The following GNAI1 variants were observed in gnomAD, a reference collection of about 807,000 sequenced individuals.
The protein encoded by GNAI1 is G protein subunit alpha i1.
Under a neutral mutation model 38.9 loss-of-function variants are expected in GNAI1, and 11 were observed. The ratio of observed to expected loss-of-function variants is 0.28; its 90% confidence interval spans 0.18 to 0.47. The LOEUF (loss-of-function observed/expected upper bound fraction) is 0.47, where lower values mean the gene tolerates loss of function less well. Ranked by LOEUF, GNAI1 falls within the 20% of genes least tolerant of loss-of-function variation. The probability of loss-of-function intolerance (pLI) is 0.99; values close to 1 mark genes in which losing one functional copy is unlikely to be tolerated. For synonymous variants in GNAI1, 166 were observed against 145.1 expected (o/e 1.14, Z -1.04); for missense variants, 317 against 436.9 (o/e 0.73, Z 2.45).
At chr7:80,182,473 G>A (rs956570544) in intron 1 of GNAI1, among the ~76,000 whole-genome samples, 6 of 152,024 alleles carry the variant, frequency 3.9e-5, no homozygotes, top group African/African-American at 9.7e-5. Context: ...GGATTTGAAC[G>A]TTTACAGTCA....
intron 1 of GNAI1, among the ~76,000 whole-genome samples, chr7:80,161,336 G>A (rs1006231203): frequency 1.3e-5 from 2 of 152,170 alleles, no homozygotes; most frequent in Non-Finnish European, 2.9e-5. Flanking sequence ...TTTACTTGGA[G>A]ATTAATTTGT....
rs1224259888 is a variant in GNAI1, at chr7:80,224,466, A to G, written c.*6973A>G. ...CAAAATCCAGTGTCATTTCTTAGCC[A>G]TATCTTCAAAATCCAGTGTCATTTC... On this transcript the variant is annotated 3_prime_UTR_variant, in exon 8 of 8. Transcript: ENST00000649796. Among the ~76,000 whole-genome samples, 2 of 152,180 alleles carry G rather than the reference A, an allele frequency of 1.3e-5. No individual in the cohort carries two copies. Among genetic ancestry groups the G allele is most frequent in the African/African-American group, 2.4e-5 (1 of 41,444 alleles).
At chr7:80,174,714 G>A (rs373707357) in intron 1 of GNAI1, among the ~76,000 whole-genome samples, 14 of 152,090 alleles carry the variant, frequency 9.2e-5, no homozygotes, top group African/African-American at 3.4e-4. Context: ...CAGCGTAAAA[G>A]CCAGGCTCTT....
intron 1 of GNAI1, among the ~76,000 whole-genome samples, chr7:80,148,006 A>G (rs149029295): frequency 3.3e-5 from 5 of 151,974 alleles, no homozygotes; most frequent in Non-Finnish European, 7.4e-5. Context: ...AGGTAAAACC[A>G]TGTGTTTTTT....
chr7:80,139,218 A>T (rs1026160182), intron 1 of GNAI1, among the ~76,000 whole-genome samples: 9 of 151,998 alleles, frequency 5.9e-5, no homozygotes, highest in African/African-American at 2.2e-4. Flanking sequence ...TTTCATTTTC[A>T]TATTCATAGT....
rs968965917 is a variant in GNAI1, at chr7:80,222,650, G to A, written c.*5157G>A. On this transcript the variant is annotated 3_prime_UTR_variant, in exon 8 of 8. Transcript: ENST00000649796. ...AATCCGCCCACCTCGGCCGCCCAAA[G>A]TGCTGGGATTACAGGTGTGAGCCAC... 1.3e-5 allele frequency among the ~76,000 whole-genome samples: 2 copies of A among 152,008 alleles called. No homozygotes were observed. The highest frequency in any genetic ancestry group is 2.4e-5 in the African/African-American group (1 of 41,390).
chr7:80,196,688 G>T (rs1788580652), intron 3 of GNAI1, among the ~76,000 whole-genome samples: 1 of 151,930 alleles, frequency 6.6e-6, no homozygotes, highest in Non-Finnish European at 1.5e-5. Context: ...AATAATTTCA[G>T]CAGTGTTTTC....
chr7:80,168,138 C>G (rs1788043240), intron 1 of GNAI1, among the ~76,000 whole-genome samples: 1 of 152,078 alleles, frequency 6.6e-6, no homozygotes, highest in African/African-American at 2.4e-5. Context: ...CTTCAACTTG[C>G]AACTTGAAGC....
At chr7:80,142,483 A>G (rs754851342) in intron 1 of GNAI1, among the ~76,000 whole-genome samples, 5 of 152,154 alleles carry the variant, frequency 3.3e-5, no homozygotes, top group Non-Finnish European at 7.4e-5. Context: ...TACTAATACC[A>G]TATTGAAATC....
At chr7:80,200,347 A>AAAAAT (rs1788661939) in intron 4 of GNAI1, among the ~76,000 whole-genome samples, 1 of 148,646 alleles carries the variant, frequency 6.7e-6, no homozygotes, top group Admixed American at 6.7e-5. Flanking sequence ...AAAAAAAAAA[A>AAAAAT]CCTAATCAGG....
intron 1 of GNAI1, among the ~76,000 whole-genome samples, chr7:80,159,737 A>G: frequency 6.6e-6 from 1 of 150,806 alleles, no homozygotes; most frequent in East Asian, 1.9e-4. Flanking sequence ...ACTTTTTTGT[A>G]TTGTATTAAG....
intron 1 of GNAI1, among the ~76,000 whole-genome samples, chr7:80,153,326 ATG>A (rs1425819963): frequency 1.3e-5 from 2 of 152,188 alleles, no homozygotes; most frequent in African/African-American, 4.8e-5. Context: ...TGATTATACA[ATG>A]TGCATCTTAA....
intron 1 of GNAI1, among the ~76,000 whole-genome samples, chr7:80,148,145 G>A (rs1787660374): frequency 6.6e-6 from 1 of 152,224 alleles, no homozygotes; most frequent in South Asian, 2.1e-4. Context: ...CAGTTTATAG[G>A]TCAGGTTGAG....
intron 1 of GNAI1, among the ~76,000 whole-genome samples, chr7:80,148,889 A>T (rs1339286374): frequency 6.6e-6 from 1 of 152,134 alleles, no homozygotes; most frequent in Non-Finnish European, 1.5e-5. Context: ...TATATTTCCC[A>T]CATATTTTGA....
chr7:80,149,510 T>C (rs1787687793), intron 1 of GNAI1, among the ~76,000 whole-genome samples: 1 of 152,140 alleles, frequency 6.6e-6, no homozygotes, highest in Non-Finnish European at 1.5e-5. Flanking sequence ...AGTGTTCTTG[T>C]AATTATCTGC....
At chr7:80,212,181 A>G (rs1460233296) in intron 6 of GNAI1, among the ~76,000 whole-genome samples, 1 of 152,146 alleles carries the variant, frequency 6.6e-6, no homozygotes, top group Admixed American at 6.5e-5. Context: ...CATTTCTTTC[A>G]TTTCAGCACT....
chr7:80,181,940 AT>A (rs1293074600), intron 1 of GNAI1, among the ~76,000 whole-genome samples: 2 of 152,142 alleles, frequency 1.3e-5, no homozygotes, highest in South Asian at 2.1e-4. Context: ...ATATGTTGTT[AT>A]TAACTGTTGT....
intron 1 of GNAI1, among the ~76,000 whole-genome samples, chr7:80,155,231 A>T (rs1046549286): frequency 2.6e-5 from 4 of 152,324 alleles, no homozygotes; most frequent in Admixed American, 2.6e-4. Context: ...AAGACAGAAT[A>T]TTCTGAGTTG....
At chr7:80,192,446 C>T in intron 3 of GNAI1, among the ~76,000 whole-genome samples, 1 of 152,138 alleles carries the variant, frequency 6.6e-6, no homozygotes, top group East Asian at 1.9e-4. Context: ...CTGCCCTTAG[C>T]ATTAAATTGG....
Sources: gnomAD v4.1 joint callset for allele counts (sites outside exome capture counted in the v4.1 genomes callset) on GRCh38, gnomAD v4.1.1 for gene constraint, MANE v1.5 for transcripts, NCBI Gene and HGNC (gene_info 2026-07-23, HGNC 2026-07-21) for gene names.